The following ZNF407 variants were observed in gnomAD, a reference collection of about 807,000 sequenced individuals.
ZNF407 encodes zinc finger protein 407.
ZNF407 carries 17 observed loss-of-function variants against 131.2 expected under a neutral mutation model. The observed-to-expected ratio is 0.13, with a 90% CI of 0.09 to 0.19. The LOEUF (loss-of-function observed/expected upper bound fraction) is 0.19. ZNF407 is among the 10% of genes least tolerant of loss of function. ZNF407 has a pLI of 1.00. For synonymous variants in ZNF407, 1,156 were observed against 1,062.0 expected (o/e 1.09, Z -1.72); for missense variants, 2,681 against 2,830.6 (o/e 0.95, Z 1.20).
At chr18:75,029,496 C>G (rs1973212492) in intron 8 of ZNF407, among the ~76,000 whole-genome samples, 1 of 152,224 alleles carries the variant, frequency 6.6e-6, no homozygotes, top group Admixed American at 6.5e-5. Context: ...GGTGTTCGTT[C>G]TCACTGCACA....
At chr18:74,624,099 T>A (rs1983683544) in intron 1 of ZNF407, among the ~76,000 whole-genome samples, 1 of 152,182 alleles carries the variant, frequency 6.6e-6, no homozygotes, top group Non-Finnish European at 1.5e-5. Flanking sequence ...ACTGGTACTT[T>A]GAGAGGGAAA....
chr18:74,715,384 A>G (rs560148286), intron 3 of ZNF407, among the ~76,000 whole-genome samples: 2 of 152,368 alleles, frequency 1.3e-5, no homozygotes, highest in Non-Finnish European at 2.9e-5. Flanking sequence ...ACTCTGGCAT[A>G]TTGTGGCGAA....
chr18:75,029,815 G>C (rs1213406140), intron 8 of ZNF407, among the ~76,000 whole-genome samples: 1 of 152,200 alleles, frequency 6.6e-6, no homozygotes, highest in African/African-American at 2.4e-5. Flanking sequence ...ATGTCATACA[G>C]CTGCAACTGT....
chr18:75,041,781 A>G (rs1183330350), intron 8 of ZNF407, among the ~76,000 whole-genome samples: 1 of 152,194 alleles, frequency 6.6e-6, no homozygotes, highest in Non-Finnish European at 1.5e-5. Flanking sequence ...TTTTTATATA[A>G]AGCCACATTC....
At chr18:74,895,411 C>A (rs1372628107) in intron 7 of ZNF407, among the ~76,000 whole-genome samples, 1 of 152,040 alleles carries the variant, frequency 6.6e-6, no homozygotes, top group Non-Finnish European at 1.5e-5. Flanking sequence ...TGGCACAGGG[C>A]AAATTTGCTG....
At chr18:75,004,526 G>A (rs1420422428) in intron 8 of ZNF407, among the ~76,000 whole-genome samples, 1 of 152,090 alleles carries the variant, frequency 6.6e-6, no homozygotes, top group African/African-American at 2.4e-5. Flanking sequence ...GAGCGGCATT[G>A]GGTGCGCAGA....
chr18:74,823,356 T>TAACAATATTAACCTTAAATGTA (rs1006292692), intron 4 of ZNF407, among the ~76,000 whole-genome samples: 2 of 152,122 alleles, frequency 1.3e-5, no homozygotes, highest in African/African-American at 4.8e-5. Context: ...AATTCACACA[T>TAACAATATTAACCTTAAATGTA]AACAATATTA....
At chr18:75,056,030 CTT>C (rs1354375912) in intron 8 of ZNF407, among the ~76,000 whole-genome samples, 1 of 152,204 alleles carries the variant, frequency 6.6e-6, no homozygotes, top group Non-Finnish European at 1.5e-5. Context: ...ATGGCGAAGA[CTT>C]TATATACTGT....
chr18:74,890,632 T>C (rs8095030), intron 7 of ZNF407, among the ~76,000 whole-genome samples: 55,237 of 152,056 alleles, frequency 0.36, 10,771 homozygotes, highest in African/African-American at 0.5. Context: ...GTATCTTGTC[T>C]AGAGTATAGC....
intron 3 of ZNF407, among the ~76,000 whole-genome samples, chr18:74,768,931 C>T (rs1376602500): frequency 1.3e-5 from 2 of 152,140 alleles, no homozygotes; most frequent in Non-Finnish European, 2.9e-5. Context: ...CAGTGCAATG[C>T]TACAGTGTGT....
intron 7 of ZNF407, among the ~76,000 whole-genome samples, chr18:74,896,056 C>A (rs1374105880): frequency 6.6e-6 from 1 of 152,006 alleles, no homozygotes; most frequent in Non-Finnish European, 1.5e-5. Flanking sequence ...TTATATATAC[C>A]AAAATGAACA....
At chr18:74,889,850 A>T (rs1467136865) in intron 6 of ZNF407, 68 bp from the exon 7 acceptor site, 1 of 1,423,530 alleles carries the variant, frequency 7.0e-7, no homozygotes, top group Non-Finnish European at 9.6e-7. Context: ...AATTGTCAAT[A>T]CCAGGTTTAT....
intron 3 of ZNF407, among the ~76,000 whole-genome samples, chr18:74,676,389 G>A (rs933704981): frequency 6.6e-6 from 1 of 151,376 alleles, no homozygotes; most frequent in Admixed American, 6.6e-5. Context: ...ACTGTGTCCC[G>A]GCCTAGAATA....
chr18:74,651,971 G>A (rs1985247063), intron 3 of ZNF407, among the ~76,000 whole-genome samples: 1 of 152,112 alleles, frequency 6.6e-6, no homozygotes, highest in Non-Finnish European at 1.5e-5. Context: ...GTACAGACCA[G>A]TGAAATCTGT....
chr18:75,029,640 C>T (rs888780815), intron 8 of ZNF407, among the ~76,000 whole-genome samples: 1 of 152,114 alleles, frequency 6.6e-6, no homozygotes, highest in African/African-American at 2.4e-5. Context: ...GGTGTGCGTG[C>T]GTGTGCATGC....
chr18:74,907,256 G>A (rs1971608751), intron 7 of ZNF407, among the ~76,000 whole-genome samples: 1 of 152,190 alleles, frequency 6.6e-6, no homozygotes, highest in Admixed American at 6.5e-5. Flanking sequence ...AACTCACAGA[G>A]GGAGTGCAGC....
intron 3 of ZNF407, among the ~76,000 whole-genome samples, chr18:74,648,754 G>A (rs1036966266): frequency 1.3e-5 from 2 of 152,174 alleles, no homozygotes; most frequent in Non-Finnish European, 2.9e-5. Context: ...TGCTACCTAT[G>A]TCCACATGTA....
At chr18:74,759,686 G>A (rs1028584137) in intron 3 of ZNF407, among the ~76,000 whole-genome samples, 1 of 151,208 alleles carries the variant, frequency 6.6e-6, no homozygotes, top group East Asian at 1.9e-4. Context: ...TTACTTTTCA[G>A]CTCCAGAATT....
intron 8 of ZNF407, chr18:75,060,331 C>T (rs192027243): frequency 6.6e-6 from 1 of 152,248 alleles, no homozygotes; most frequent in East Asian, 1.9e-4. Context: ...CAGTGCTTTC[C>T]TCTGCCTGGT....
Sources: allele counts gnomAD v4.1 joint callset (sites outside exome capture counted in the v4.1 genomes callset), GRCh38; gene constraint gnomAD v4.1.1; transcripts MANE v1.5; gene names NCBI Gene and HGNC (gene_info 2026-07-23, HGNC 2026-07-21).